Variants in ADAMTSL1 observed in about 807,000 individuals in gnomAD.
ADAMTSL1 encodes the protein ADAMTS like 1, also known as ADAMTS-like protein 1.
In ADAMTSL1, 126 loss-of-function variants were observed where a neutral mutation model predicts 201.8. The observed-to-expected ratio is 0.62, with a 90% CI of 0.54 to 0.72. ADAMTSL1 has a LOEUF of 0.72. Among genes scored for constraint, ADAMTSL1 ranks in the 30% least tolerant of loss-of-function variants. The pLI is 0.00. For synonymous variants in ADAMTSL1, 1,121 were observed against 903.4 expected (o/e 1.24, Z -4.32); for missense variants, 2,679 against 2,277.8 (o/e 1.18, Z -3.59).
At chr9:18,411,442 A>G (rs1818439671) in intron 2 of ADAMTSL1, among the ~76,000 whole-genome samples, 1 of 151,848 alleles carries the variant, frequency 6.6e-6, no homozygotes, top group South Asian at 2.1e-4. Flanking sequence ...CAAGTGATCC[A>G]CCCACCTTGG....
intron 1 of ADAMTSL1, among the ~76,000 whole-genome samples, chr9:18,139,513 C>T (rs1403134028): frequency 6.6e-6 from 1 of 152,130 alleles, no homozygotes; most frequent in Non-Finnish European, 1.5e-5. Flanking sequence ...ATTCTGATAA[C>T]CCCTGAGAAA....
At chr9:18,628,750 ATC>A (rs1826554989) in intron 5 of ADAMTSL1, among the ~76,000 whole-genome samples, 1 of 152,118 alleles carries the variant, frequency 6.6e-6, no homozygotes. Context: ...GTCTTATTTT[ATC>A]TCTTTGATTA....
At chr9:18,619,839 A>G (rs373101471) in intron 4 of ADAMTSL1, among the ~76,000 whole-genome samples, 86 of 152,226 alleles carry the variant, frequency 5.6e-4, no homozygotes, top group African/African-American at 1.9e-3. Flanking sequence ...TCCTGTGCCC[A>G]ATGCCTGCGC....
chr9:18,258,716 T>C (rs1831795827), intron 2 of ADAMTSL1, among the ~76,000 whole-genome samples: 1 of 152,286 alleles, frequency 6.6e-6, no homozygotes, highest in East Asian at 1.9e-4. Flanking sequence ...TGTGCTTACA[T>C]TGCTCTCTCA....
At chr9:18,775,464 T>G (rs1325057102) in intron 17 of ADAMTSL1, among the ~76,000 whole-genome samples, 3 of 152,160 alleles carry the variant, frequency 2.0e-5, no homozygotes, top group Non-Finnish European at 2.9e-5. Flanking sequence ...TGAGCTGGGA[T>G]TTAAACACTC....
chr9:18,495,780 C>T (rs1466821799), intron 1 of ADAMTSL1, among the ~76,000 whole-genome samples: 1 of 151,912 alleles, frequency 6.6e-6, no homozygotes, highest in African/African-American at 2.4e-5. Context: ...GGGAGTGATA[C>T]CTATTTGAGC....
rs1825259017 is a variant in ADAMTSL1, at chr9:18,116,569, C to T, written c.88-47293C>T. 2.0e-5 allele frequency among the ~76,000 whole-genome samples: 3 copies of T among 152,108 alleles called. No homozygotes were observed. In the South Asian group the frequency reaches 6.2e-4, roughly 32 times the overall value. On this transcript the variant is annotated intron_variant, in intron 1 of 29. Transcript: ENST00000680146. ...TCCCTTTCTATCAATTCCTTTTCAGCCAATAGTAGTTCTCCAATGAGTCAT... is the reference window on the plus strand; with the variant it reads ...TCCCTTTCTATCAATTCCTTTTCAGTCAATAGTAGTTCTCCAATGAGTCAT...
chr9:18,077,586 G>A (rs547939345), intron 1 of ADAMTSL1, among the ~76,000 whole-genome samples: 2 of 152,196 alleles, frequency 1.3e-5, no homozygotes, highest in Non-Finnish European at 2.9e-5. Flanking sequence ...TTCAAAGAAA[G>A]GAGTGGTGGT....
chr9:18,643,923 A>G (rs1827610922), intron 7 of ADAMTSL1, among the ~76,000 whole-genome samples: 1 of 151,816 alleles, frequency 6.6e-6, no homozygotes, highest in African/African-American at 2.4e-5. Context: ...GAAAAATGTC[A>G]TTGGAATTTT....
rs1008732569 is a variant in ADAMTSL1 at position 18,750,614 on chromosome 9, T to C, written c.2007-2684T>C. ...ATGTCTTTTGATGAATATATGCAAA[T>C]TGGGGAGAGGTATATACTTGTATTT... On this transcript the variant is annotated intron_variant, in intron 15 of 28. Transcript: ENST00000380548. Among the ~76,000 whole-genome samples the C allele has an allele frequency of 3.9e-5, 6 of 152,268 alleles. No individual in the cohort carries two copies. The East Asian group carries it at 5.8e-4, about 15-fold the overall frequency.
At chr9:18,098,587 TA>T (rs1470918098) in intron 1 of ADAMTSL1, among the ~76,000 whole-genome samples, 1 of 152,252 alleles carries the variant, frequency 6.6e-6, no homozygotes, top group African/African-American at 2.4e-5. Flanking sequence ...GCAAGTTTGC[TA>T]AATTAACTTA....
intron 3 of ADAMTSL1, among the ~76,000 whole-genome samples, chr9:18,544,919 G>T (rs1012284335): frequency 1.3e-5 from 2 of 152,312 alleles, no homozygotes; most frequent in South Asian, 4.1e-4. Context: ...AATTAAGAAT[G>T]AGACCATCAT....
chr9:17,969,119 A>G (rs1403136997), intron 1 of ADAMTSL1, among the ~76,000 whole-genome samples: 1 of 152,054 alleles, frequency 6.6e-6, no homozygotes, highest in Non-Finnish European at 1.5e-5. Flanking sequence ...GTATACATTG[A>G]GCCTAATTTT....
intron 1 of ADAMTSL1, among the ~76,000 whole-genome samples, chr9:18,497,292 G>A (rs553642997): frequency 1.4e-4 from 21 of 152,228 alleles, no homozygotes; most frequent in Middle Eastern, 6.8e-3. Flanking sequence ...TTTTTTAAAT[G>A]ACTGTAGTTT....
At position 18,293,872 on chromosome 9, in the gene ADAMTSL1, C is replaced by CT. The variant is rs1229062612; in HGVS notation, c.207+129892dup. Among the ~76,000 whole-genome samples the CT allele has an allele frequency of 2.0e-5, 3 of 152,082 alleles. No homozygotes were observed. In the East Asian group the frequency reaches 5.8e-4, roughly 29 times the overall value. On this transcript the variant is annotated intron_variant, in intron 2 of 29. Coordinates refer to the ADAMTSL1 transcript ENST00000680146. ...GTACTAAATAAGGAATATGGTGCTT[C>CT]TAATAGGCCAAAAATGGGTTGGAGA...
chr9:18,769,503 A>C (rs776914078), intron 16 of ADAMTSL1, among the ~76,000 whole-genome samples: 6 of 152,228 alleles, frequency 3.9e-5, no homozygotes, highest in Non-Finnish European at 7.3e-5. Flanking sequence ...TTGGCTTTAA[A>C]AAGATAGAAA....
chr9:18,060,658 C>T (rs995585100), intron 1 of ADAMTSL1, among the ~76,000 whole-genome samples: 2 of 152,154 alleles, frequency 1.3e-5, no homozygotes, highest in Non-Finnish European at 2.9e-5. Context: ...TCATTTCTGA[C>T]GATGACCCTA....
At chr9:18,067,192 G>T (rs1822744180) in intron 1 of ADAMTSL1, among the ~76,000 whole-genome samples, 1 of 152,118 alleles carries the variant, frequency 6.6e-6, no homozygotes, top group South Asian at 2.1e-4. Flanking sequence ...TCCAATCCCA[G>T]CTCTACTATT....
intron 2 of ADAMTSL1, among the ~76,000 whole-genome samples, chr9:18,516,796 A>G (rs1041440695): frequency 4.6e-5 from 7 of 152,186 alleles, no homozygotes; most frequent in African/African-American, 1.4e-4. Flanking sequence ...TGTGCCCCTA[A>G]AAAGGAGACA....
Sources: allele counts gnomAD v4.1 joint callset (sites outside exome capture counted in the v4.1 genomes callset), GRCh38; gene constraint gnomAD v4.1.1; transcripts MANE v1.5; gene names NCBI Gene and HGNC (gene_info 2026-07-23, HGNC 2026-07-21).